Variants in GSE1 observed in about 807,000 individuals in gnomAD.
The protein encoded by GSE1 is Gse1 coiled-coil protein, also known as genetic suppressor element 1.
In GSE1, 32 loss-of-function variants were observed where a neutral mutation model predicts 112.6. That is an observed-to-expected ratio of 0.28 (90% CI 0.21 to 0.38). The LOEUF is 0.38. Among genes scored for constraint, GSE1 ranks in the 10% least tolerant of loss-of-function variants. The probability of loss-of-function intolerance (pLI) is 1.00; values close to 1 mark genes in which losing one functional copy is unlikely to be tolerated. For missense variants in GSE1, 2,348 were observed against 1,699.2 expected, an observed-to-expected ratio of 1.38 and a Z score of -6.71; for synonymous variants, 1,115 against 735.6, an observed-to-expected ratio of 1.52 and a Z score of -8.35.
intron 2 of GSE1, among the ~76,000 whole-genome samples, chr16:85,385,607 G>A (rs1244701419): frequency 6.6e-6 from 1 of 152,154 alleles, no homozygotes; most frequent in Non-Finnish European, 1.5e-5. Context: ...AAGTCCCGTG[G>A]CACCCCCAGG....
At chr16:85,486,355 G>A (rs951182664) in intron 2 of GSE1, among the ~76,000 whole-genome samples, 9 of 152,164 alleles carry the variant, frequency 5.9e-5, no homozygotes, top group Admixed American at 2.0e-4. Context: ...ACACGAGCCC[G>A]GGAAGCCTTC....
chr16:85,331,828 A>G lies in GSE1; in HGVS notation c.2284-25635A>G, dbSNP rs1011569016. On this transcript the variant is annotated intron_variant, in intron 1 of 2. Transcript: ENST00000637419. The stretch of plus-strand genomic sequence containing the variant: ...CTCCCGAAGTGCTGGGATTACAGGC[A>G]TGAGTCACCGCGCCCAGCTACTCCC... Among the ~76,000 whole-genome samples, 4 of 151,340 alleles carry G rather than the reference A, an allele frequency of 2.6e-5. No individual in the cohort carries two copies. The East Asian group carries it at 5.8e-4, about 22-fold the overall frequency.
chr16:85,616,567 C>T (rs2048383878), intron 1 of GSE1, among the ~76,000 whole-genome samples: 4 of 152,246 alleles, frequency 2.6e-5, no homozygotes, highest in Admixed American at 2.6e-4. Flanking sequence ...CCTCTGAAAC[C>T]ACAGGGCTTC....
rs561305245 is a variant in GSE1 at position 85,674,132 on chromosome 16, G to T, written c.*1593G>T. 1.3e-5 allele frequency: 2 copies of T among 152,322 alleles called. No homozygotes were observed. Among genetic ancestry groups the T allele is most frequent in the African/African-American group, 2.4e-5 (1 of 41,384 alleles). 9.4% of individuals were successfully genotyped at this position (152,322 alleles called of 1,614,324 possible). A position where few individuals can be genotyped will look rare whatever the true frequency, so the allele number is the denominator to read the frequency against. The stretch of plus-strand genomic sequence containing the variant: ...GGCCAGGGCTGCCAGTCACTGGTCT[G>T]GGGGGTGGAGGCCTGAGCTGAGGGC... On this transcript the variant is annotated 3_prime_UTR_variant, in exon 16 of 16. Coordinates refer to ENST00000253458, the MANE Select transcript of GSE1 (RefSeq NM_014615.5).
intron 1 of GSE1, among the ~76,000 whole-genome samples, chr16:85,301,501 G>A (rs1158712983): frequency 6.6e-6 from 1 of 152,246 alleles, no homozygotes; most frequent in Non-Finnish European, 1.5e-5. Context: ...TCCAGTGGCT[G>A]CCGGTTGGTG....
chr16:85,282,404 C>T (rs1163590222), intron 1 of GSE1, among the ~76,000 whole-genome samples: 2 of 152,210 alleles, frequency 1.3e-5, no homozygotes, highest in Non-Finnish European at 2.9e-5. Context: ...GACTTCAAAG[C>T]TTTTTTCTCC....
intron 12 of GSE1, 54 bp downstream of exon 12, chr16:85,665,182 C>A: frequency 9.1e-7 from 1 of 1,099,846 alleles, no homozygotes; most frequent in Non-Finnish European, 1.4e-6. Context: ...CATGGGCTGC[C>A]CAGGCTCAGA....
intron 2 of GSE1, among the ~76,000 whole-genome samples, chr16:85,501,011 T>G (rs28695629): frequency 4.5e-5 from 6 of 133,946 alleles, no homozygotes; most frequent in South Asian, 2.5e-4. Context: ...TTTTTTTTTT[T>G]TTTTTTTTTT....
At chr16:85,470,891 A>G (rs997176157) in intron 2 of GSE1, among the ~76,000 whole-genome samples, 1 of 152,236 alleles carries the variant, frequency 6.6e-6, no homozygotes, top group Non-Finnish European at 1.5e-5. Flanking sequence ...GAACCTGAAA[A>G]AAATACAAAG....
chr16:85,576,132 A>G (rs57353965), intron 1 of GSE1, among the ~76,000 whole-genome samples: 4,019 of 152,264 alleles, frequency 0.026, 190 homozygotes, highest in African/African-American at 0.09. Context: ...CTCTCTGGGT[A>G]ATAGTATGGA....
chr16:85,546,923 G>A (rs143745393), intron 2 of GSE1, among the ~76,000 whole-genome samples: 4 of 152,216 alleles, frequency 2.6e-5, no homozygotes, highest in Admixed American at 6.5e-5. Flanking sequence ...AGATGGCCAC[G>A]TCCGATGATC....
chr16:85,262,426 C>A (rs183685767), intron 1 of GSE1, among the ~76,000 whole-genome samples: 1 of 152,200 alleles, frequency 6.6e-6, no homozygotes, highest in African/African-American at 2.4e-5. Context: ...TGTCTTTGCA[C>A]CGGGGGGCCT....
chr16:85,414,427 A>G (rs1027848484), intron 2 of GSE1, among the ~76,000 whole-genome samples: 23 of 152,098 alleles, frequency 1.5e-4, no homozygotes, highest in African/African-American at 5.6e-4. Context: ...CCCTTTCTCC[A>G]CACCCACATC....
intron 1 of GSE1, among the ~76,000 whole-genome samples, chr16:85,629,252 A>G (rs541130143): frequency 2.0e-5 from 3 of 152,326 alleles, no homozygotes; most frequent in Admixed American, 6.5e-5. Context: ...CTTTATAGCA[A>G]CACAGACAGC....
intron 2 of GSE1, among the ~76,000 whole-genome samples, chr16:85,476,635 C>CATTT (rs55658057): frequency 0.4 from 60,893 of 151,344 alleles, 13,505 homozygotes; most frequent in Non-Finnish European, 0.48. Context: ...GTAATTCTTT[C>CATTT]ATTTATTTAT....
chr16:85,415,839 C>A (rs1224927967), intron 2 of GSE1, among the ~76,000 whole-genome samples: 2 of 152,182 alleles, frequency 1.3e-5, no homozygotes, highest in African/African-American at 4.8e-5. Flanking sequence ...AGTGTTGAGG[C>A]CATGGCTTTG....
At chr16:85,505,463 T>C (rs2051507180) in intron 2 of GSE1, among the ~76,000 whole-genome samples, 1 of 152,112 alleles carries the variant, frequency 6.6e-6, no homozygotes, top group Non-Finnish European at 1.5e-5. Context: ...TTACCTATCT[T>C]ACAAAGAATT....
intron 1 of GSE1, among the ~76,000 whole-genome samples, chr16:85,343,793 T>C (rs2046674162): frequency 6.6e-6 from 1 of 152,156 alleles, no homozygotes; most frequent in Non-Finnish European, 1.5e-5. Flanking sequence ...AAATGATGTC[T>C]CTTCAGCTCG....
intron 2 of GSE1, chr16:85,462,988 C>T (rs1179362128): frequency 4.7e-6 from 2 of 428,514 alleles, no homozygotes; most frequent in Non-Finnish European, 6.2e-6. Context: ...TCTTCTGCCG[C>T]CCCGTGACGC....
Sources: allele counts gnomAD v4.1 joint callset (sites outside exome capture counted in the v4.1 genomes callset), GRCh38; gene constraint gnomAD v4.1.1; transcripts MANE v1.5; gene names NCBI Gene and HGNC (gene_info 2026-07-23, HGNC 2026-07-21).